BRI3: variants seen among roughly 807,000 people sequenced by gnomAD.
BRI3 encodes the protein membrane protein BRI3.
Under a neutral mutation model 12.8 loss-of-function variants are expected in BRI3, and 6 were observed. The observed-to-expected ratio is 0.47, with a 90% CI of 0.26 to 0.93. The LOEUF is 0.93. Among genes scored for constraint, BRI3 ranks in the 40% least tolerant of loss-of-function variants. The pLI, the probability that BRI3 is intolerant of heterozygous loss-of-function variation, is 0.15. For missense variants in BRI3, 134 were observed against 171.1 expected, an observed-to-expected ratio of 0.78 and a Z score of 1.21; for synonymous variants, 91 against 76.1, an observed-to-expected ratio of 1.20 and a Z score of -1.02.
At chr7:98,298,749 T>C (rs1800294850) in intron 1 of BRI3, among the ~76,000 whole-genome samples, 1 of 152,210 alleles carries the variant, frequency 6.6e-6, no homozygotes, top group African/African-American at 2.4e-5. Flanking sequence ...AAGTTATTAA[T>C]CGAGGTGGAC....
At chr7:98,286,428 T>C (rs1162109564) in intron 2 of BRI3, among the ~76,000 whole-genome samples, 3 of 152,206 alleles carry the variant, frequency 2.0e-5, no homozygotes, top group Admixed American at 6.5e-5. Flanking sequence ...CCAGTGGCCA[T>C]GGTCCCTCCC....
At chr7:98,292,489 C>T (rs941879356), downstream of BRI3, 8 of 740,510 alleles carry the variant, frequency 1.1e-5, no homozygotes, top group African/African-American at 7.1e-5. Flanking sequence ...CATGACTCTC[C>T]ACTCCAAAAT....
chr7:98,282,098 C>T (rs1460093908), intron 1 of BRI3, among the ~76,000 whole-genome samples, 161 bp downstream of exon 1: 9 of 152,106 alleles, frequency 5.9e-5, no homozygotes, highest in Admixed American at 5.2e-4. Context: ...GGCCAGCCTC[C>T]CCCCCGGGGC....
chr7:98,283,791 G>A (rs531616208), intron 2 of BRI3, among the ~76,000 whole-genome samples: 31 of 152,192 alleles, frequency 2.0e-4, no homozygotes, highest in Non-Finnish European at 7.4e-5. Flanking sequence ...GGGACGTGGG[G>A]GTGTCTGGTG....
chr7:98,321,313 T>G, the BRI3 span, among the ~76,000 whole-genome samples: 2 of 152,230 alleles, frequency 1.3e-5, no homozygotes, highest in African/African-American at 4.8e-5. Context: ...CCCAGAGTAA[T>G]CTGATTATCT....
downstream of BRI3, among the ~76,000 whole-genome samples, chr7:98,313,792 C>CTCTTTT (rs1179300343): frequency 1.5e-5 from 2 of 132,944 alleles, no homozygotes; most frequent in African/African-American, 5.5e-5. Flanking sequence ...CTAATTAAAA[C>CTCTTTT]TTTTTTTTTT....
downstream of BRI3, chr7:98,312,061 C>T (rs201016025): frequency 7.7e-6 from 12 of 1,553,590 alleles, no homozygotes; most frequent in East Asian, 2.3e-5. Flanking sequence ...TTAGGAAACA[C>T]ACGATTGAAA....
chr7:98,292,754 G>A, downstream of BRI3: 1 of 1,550,760 alleles, frequency 6.4e-7, no homozygotes, highest in Non-Finnish European at 8.7e-7. Flanking sequence ...TGCAGCTTTG[G>A]CCAACTAGCT....
downstream of BRI3, among the ~76,000 whole-genome samples, chr7:98,312,601 G>T (rs138156197): frequency 4.4e-3 from 671 of 152,258 alleles, 7 homozygotes; most frequent in African/African-American, 0.016. Context: ...TTTCCAGGTG[G>T]CCCCAGAAAC....
intron 2 of BRI3, among the ~76,000 whole-genome samples, chr7:98,285,400 G>A (rs1336436098): frequency 1.3e-5 from 2 of 152,330 alleles, no homozygotes; most frequent in East Asian, 1.9e-4. Context: ...CCTGTGACCT[G>A]GAAGCCAGAG....
chr7:98,311,037 G>T (rs773445568), downstream of BRI3, among the ~76,000 whole-genome samples: 1 of 151,944 alleles, frequency 6.6e-6, no homozygotes, highest in Non-Finnish European at 1.5e-5. Context: ...TGTGTTCAAA[G>T]TACCTGCTGC....
downstream of BRI3, chr7:98,293,128 CT>C: frequency 2.6e-6 from 1 of 381,682 alleles, no homozygotes; most frequent in Non-Finnish European, 3.9e-6. Context: ...AGAGCACATG[CT>C]TTATAAAATA....
intron 1 of BRI3, 76 bp downstream of exon 1, chr7:98,282,013 C>T (rs1379412489): frequency 6.2e-6 from 8 of 1,298,702 alleles, no homozygotes; most frequent in Non-Finnish European, 7.8e-6. Flanking sequence ...GGTCCGGAGG[C>T]GGGTGGGGCC....
chr7:98,301,684 C>T (rs534866356), upstream of BRI3, among the ~76,000 whole-genome samples: 10 of 151,886 alleles, frequency 6.6e-5, no homozygotes, highest in South Asian at 2.1e-3. Context: ...TGTGCACACG[C>T]GCGTCTGTGT....
At chr7:98,294,908 T>G (rs1203433965), downstream of BRI3, among the ~76,000 whole-genome samples, 1 of 152,100 alleles carries the variant, frequency 6.6e-6, no homozygotes, top group Admixed American at 6.5e-5. Flanking sequence ...GGGCCAGGTG[T>G]GTGCGCGCCT....
At chr7:98,304,459 AC>A (rs1352755952), upstream of BRI3, 16 of 1,391,270 alleles carry the variant, frequency 1.2e-5, no homozygotes, top group Non-Finnish European at 1.6e-5. Context: ...CTGACCAAGG[AC>A]AACAGTAATA....
chr7:98,308,040 C>T (rs1177985186), exon 2 of BRI3: 37 of 810,712 alleles, frequency 4.6e-5, no homozygotes, highest in Admixed American at 5.9e-5. Flanking sequence ...CCTATTTCCT[C>T]GCTTTGATCA....
chr7:98,309,235 C>G (rs919298489), exon 2 of BRI3: 8 of 151,584 alleles, frequency 5.3e-5, no homozygotes, highest in African/African-American at 2.0e-4. Context: ...ACTGCAACCT[C>G]TACCTCCTGG....
At chr7:98,305,251 CTT>C (rs1476933511), upstream of BRI3, among the ~76,000 whole-genome samples, 1 of 150,594 alleles carries the variant, frequency 6.6e-6, no homozygotes, top group Non-Finnish European at 1.5e-5. Flanking sequence ...GGGGCTGGCT[CTT>C]GATTGATTTA....
Sources: allele counts gnomAD v4.1 joint callset (sites outside exome capture counted in the v4.1 genomes callset), GRCh38; gene constraint gnomAD v4.1.1; transcripts MANE v1.5; gene names NCBI Gene and HGNC (gene_info 2026-07-23, HGNC 2026-07-21).